Variants in SDK2 observed in about 807,000 individuals in gnomAD.
SDK2 encodes protein sidekick-2.
In SDK2, 105 loss-of-function variants were observed where a neutral mutation model predicts 253.9. The ratio of observed to expected loss-of-function variants is 0.41; its 90% confidence interval spans 0.35 to 0.49. The LOEUF (loss-of-function observed/expected upper bound fraction) is 0.49. Among genes scored for constraint, SDK2 ranks in the 20% least tolerant of loss-of-function variants. The pLI, the probability that SDK2 is intolerant of heterozygous loss-of-function variation, is 0.06. For synonymous variants in SDK2, 1,249 were observed against 1,234.9 expected (o/e 1.01, Z -0.24); for missense variants, 2,608 against 3,003.0 (o/e 0.87, Z 3.07).
intron 1 of SDK2, among the ~76,000 whole-genome samples, chr17:73,611,661 G>A (rs1018991097): frequency 1.3e-5 from 2 of 152,212 alleles, no homozygotes; most frequent in African/African-American, 2.4e-5. Flanking sequence ...CTTCCCTCAT[G>A]GCCAGTCATG....
chr17:73,514,169 G>A (rs1294010333), intron 1 of SDK2, among the ~76,000 whole-genome samples: 1 of 152,158 alleles, frequency 6.6e-6, no homozygotes, highest in Non-Finnish European at 1.5e-5. Context: ...CAGACCCTCT[G>A]TGTGTCATTT....
intron 12 of SDK2, among the ~76,000 whole-genome samples, chr17:73,425,909 G>A (rs2063277786): frequency 6.6e-6 from 1 of 152,170 alleles, no homozygotes; most frequent in South Asian, 2.1e-4. Context: ...GATTGTGCAA[G>A]CTAATATAAA....
chr17:73,457,427 T>G (rs1051355481), intron 3 of SDK2, among the ~76,000 whole-genome samples: 1 of 150,504 alleles, frequency 6.6e-6, no homozygotes, highest in African/African-American at 2.4e-5. Flanking sequence ...CTTGGCTCAC[T>G]GCAACCTCTG....
At chr17:73,434,423 G>A (rs762064795) in intron 9 of SDK2, among the ~76,000 whole-genome samples, 1 of 152,204 alleles carries the variant, frequency 6.6e-6, no homozygotes, top group Admixed American at 6.5e-5. Context: ...GCACTTGGAA[G>A]CCAGAAGCAA....
At chr17:73,478,829 A>G (rs964975428) in intron 2 of SDK2, among the ~76,000 whole-genome samples, 1 of 152,242 alleles carries the variant, frequency 6.6e-6, no homozygotes, top group Admixed American at 6.5e-5. Flanking sequence ...AATAATAGGC[A>G]CACTCTCCTT....
Position 73,395,459 on chromosome 17 carries a change from C to T in SDK2, c.3355-67G>A. 1 of 1,336,830 alleles carries T rather than the reference C, an allele frequency of 7.5e-7. No individual in the cohort carries two copies. Among genetic ancestry groups the T allele is most frequent in the Non-Finnish European group, 1.1e-6 (1 of 940,468 alleles). 82.8% of individuals were successfully genotyped at this position (1,336,830 alleles called of 1,614,324 possible). On this transcript the variant is annotated intron_variant, in intron 24 of 44. Transcript: ENST00000392650. The surrounding 1 kb of genome is among the most constrained non-coding windows in gnomAD (Gnocchi z 4.3). The stretch of plus-strand genomic sequence containing the variant: ...CCCCCACTGTGCAGGGAGGAACTGC[C>T]CTGCTACCCTCTCCTCCAGGGCGCC...
chr17:73,401,833 A>G (rs2063029545), intron 19 of SDK2, 81 bp from the exon 20 acceptor site: 1 of 1,420,958 alleles, frequency 7.0e-7, no homozygotes, highest in South Asian at 1.3e-5. Flanking sequence ...AGCCTGTGGT[A>G]ATCTGGGGGT....
At chr17:73,350,470 G>T in intron 42 of SDK2, 95 bp from the exon 43 acceptor site, 1 of 1,494,316 alleles carries the variant, frequency 6.7e-7, no homozygotes, top group Non-Finnish European at 8.9e-7. Context: ...TCTTTCTCTT[G>T]GTAGAGTTGA....
At chr17:73,339,519 GC>G (rs2062415187) in intron 44 of SDK2, among the ~76,000 whole-genome samples, 1 of 72,710 alleles carries the variant, frequency 1.4e-5, no homozygotes, top group Non-Finnish European at 4.3e-5. Context: ...ACTATCCCTG[GC>G]AAATTTTATT....
chr17:73,638,864 C>G lies in SDK2; in HGVS notation c.64+5161G>C, dbSNP rs1473257397. Among the ~76,000 whole-genome samples, 3 of 142,868 alleles carry G rather than the reference C, an allele frequency of 2.1e-5. No individual in the cohort carries two copies. The East Asian group carries it at 6.2e-4, about 29-fold the overall frequency. 93.7% of individuals were successfully genotyped at this position (142,868 alleles called of 152,430 possible). A position where few individuals can be genotyped will look rare whatever the true frequency, so the allele number is the denominator to read the frequency against. On this transcript the variant is annotated intron_variant, in intron 1 of 44. Coordinates refer to ENST00000392650, the MANE Select transcript of SDK2 (RefSeq NM_001144952.2). ...TCGCTCTGTTGTGTAGGCTGGAGTA[C>G]AGTGGCACGATCTCAGCTCACTGCC... is the stretch of plus-strand genomic sequence containing the variant.
chr17:73,515,449 C>A (rs764758519), intron 1 of SDK2, among the ~76,000 whole-genome samples: 2 of 152,136 alleles, frequency 1.3e-5, no homozygotes, highest in Admixed American at 1.3e-4. Flanking sequence ...GCGAAACAGG[C>A]GGCCCAGCTG....
intron 1 of SDK2, among the ~76,000 whole-genome samples, chr17:73,622,465 G>A (rs1166630694): frequency 1.3e-5 from 2 of 152,224 alleles, no homozygotes; most frequent in Non-Finnish European, 2.9e-5. Flanking sequence ...GCTGGGACAA[G>A]TTTTCTTGGC....
At chr17:73,581,732 A>T (rs538873532) in intron 1 of SDK2, among the ~76,000 whole-genome samples, 8 of 152,352 alleles carry the variant, frequency 5.3e-5, no homozygotes, top group African/African-American at 1.7e-4. Context: ...CCTCTTCTGC[A>T]GCCTGTCTGC....
chr17:73,604,092 G>A (rs571795752), intron 1 of SDK2, among the ~76,000 whole-genome samples: 3 of 152,358 alleles, frequency 2.0e-5, no homozygotes, highest in Admixed American at 2.0e-4. Context: ...GCCGGGCAGC[G>A]CCAGCGTCAG....
At chr17:73,450,769 C>T (rs984509474) in intron 4 of SDK2, among the ~76,000 whole-genome samples, 3 of 152,172 alleles carry the variant, frequency 2.0e-5, no homozygotes, top group Non-Finnish European at 2.9e-5. Flanking sequence ...GTTGCCAGCT[C>T]GGGGAGCGCC....
At chr17:73,469,669 T>C (rs549968657) in intron 3 of SDK2, among the ~76,000 whole-genome samples, 2 of 151,506 alleles carry the variant, frequency 1.3e-5, no homozygotes, top group African/African-American at 2.4e-5. Flanking sequence ...GTGGAGGGAG[T>C]TCCCCCCACC....
Position 73,414,731 on chromosome 17 carries a change from G to A in SDK2, c.2397C>T (p.His799=), listed in dbSNP as rs1053433876. The A allele has an allele frequency of 5.6e-6, 9 of 1,613,666 alleles. No individual in the cohort carries two copies. The highest frequency in any genetic ancestry group is 1.7e-5 in the Admixed American group (1 of 59,994). ...TGGTCGTGGAATTGGTGGCTTCCGC[G>A]TGCACATTGCCCGGAGGGACCGTGG... ...GVPTVPPGNV[H]AEATNSTTIR... is the part of the protein sequence containing the mutation. Residue 799 remains histidine (H), a synonymous_variant, in exon 18 of 45, where the codon CAC becomes CAT. Transcript: ENST00000392650.
At chr17:73,601,050 C>G (rs1473392115) in intron 1 of SDK2, among the ~76,000 whole-genome samples, 1 of 150,182 alleles carries the variant, frequency 6.7e-6, no homozygotes, top group Admixed American at 6.6e-5. Context: ...GATGGCATCT[C>G]ACTCTGTTGC....
chr17:73,358,249 A>G, intron 39 of SDK2, 45 bp from the exon 40 acceptor site: 3 of 1,550,788 alleles, frequency 1.9e-6, no homozygotes, highest in Non-Finnish European at 2.6e-6. Flanking sequence ...AACCCAGAAC[A>G]GCCACCCAGC....
Sources: allele counts gnomAD v4.1 joint callset (sites outside exome capture counted in the v4.1 genomes callset), GRCh38; gene constraint gnomAD v4.1.1; non-coding constraint Gnocchi (gnomAD v3.1); transcripts MANE v1.5; gene names NCBI Gene and HGNC (gene_info 2026-07-23, HGNC 2026-07-21).